The following KATNIP variants were observed in gnomAD, a reference collection of about 807,000 sequenced individuals.
KATNIP encodes the protein katanin-interacting protein.
KATNIP carries 126 observed loss-of-function variants against 174.0 expected under a neutral mutation model. The observed-to-expected ratio is 0.72, with a 90% CI of 0.63 to 0.84. The LOEUF is 0.84. KATNIP is among the 40% of genes least tolerant of loss of function. The probability of loss-of-function intolerance (pLI) is 0.00; values close to 1 mark genes in which losing one functional copy is unlikely to be tolerated. For synonymous variants in KATNIP, 810 were observed against 835.7 expected, an observed-to-expected ratio of 0.97 and a Z score of 0.53; for missense variants, 1,958 against 2,109.7, an observed-to-expected ratio of 0.93 and a Z score of 1.41.
chr16:27,693,100 A>C (rs1441078576), intron 8 of KATNIP, among the ~76,000 whole-genome samples: 1 of 152,130 alleles, frequency 6.6e-6, no homozygotes. Flanking sequence ...GATCTTCCCC[A>C]TCCTTTTACC....
At chr16:27,555,507 T>C (rs1403405999) in intron 1 of KATNIP, among the ~76,000 whole-genome samples, 1 of 152,194 alleles carries the variant, frequency 6.6e-6, no homozygotes, top group African/African-American at 2.4e-5. Flanking sequence ...GTTTTGTGGC[T>C]TCAATGAAAC....
intron 14 of KATNIP, among the ~76,000 whole-genome samples, chr16:27,739,253 G>A (rs534182919): frequency 1.3e-5 from 2 of 152,228 alleles, no homozygotes; most frequent in South Asian, 4.2e-4. Context: ...GAAAGAGAGG[G>A]ATCAAGGGGG....
chr16:27,668,565 G>A (rs751258468), intron 6 of KATNIP, among the ~76,000 whole-genome samples: 8 of 152,190 alleles, frequency 5.3e-5, no homozygotes, highest in Admixed American at 2.6e-4. Context: ...TATCAGCAGC[G>A]TGAAAACGGA....
At chr16:27,728,553 C>T (rs1303572977) in intron 14 of KATNIP, among the ~76,000 whole-genome samples, 3 of 152,204 alleles carry the variant, frequency 2.0e-5, no homozygotes, top group Non-Finnish European at 4.4e-5. Flanking sequence ...GCCTCAACCT[C>T]CTGAGTTGCT....
chr16:27,759,863 G>A (rs2081887666), intron 18 of KATNIP, among the ~76,000 whole-genome samples: 1 of 152,220 alleles, frequency 6.6e-6, no homozygotes, highest in South Asian at 2.1e-4. Context: ...CACGGGATGG[G>A]ACGAGCTTGT....
At chr16:27,693,673 G>A (rs1348552699) in intron 8 of KATNIP, among the ~76,000 whole-genome samples, 1 of 152,162 alleles carries the variant, frequency 6.6e-6, no homozygotes, top group Non-Finnish European at 1.5e-5. Flanking sequence ...ACAGACGTGA[G>A]CCACTGCGCC....
chr16:27,628,977 G>T, intron 4 of KATNIP, 147 bp downstream of exon 4: 1 of 754,716 alleles, frequency 1.3e-6, no homozygotes, highest in Non-Finnish European at 2.1e-6. Context: ...AGACCAGCCT[G>T]GGCAACATGG....
intron 6 of KATNIP, among the ~76,000 whole-genome samples, chr16:27,661,593 A>G (rs1210515871): frequency 6.6e-6 from 1 of 151,266 alleles, no homozygotes; most frequent in Non-Finnish European, 1.5e-5. Flanking sequence ...GGGTTTCACC[A>G]TGTTGGCCAG....
chr16:27,577,807 A>G (rs2090553578), intron 2 of KATNIP, among the ~76,000 whole-genome samples: 1 of 152,128 alleles, frequency 6.6e-6, no homozygotes, highest in Non-Finnish European at 1.5e-5. Context: ...CAGGAGTTCG[A>G]GGCTGCAATA....
intron 15 of KATNIP, among the ~76,000 whole-genome samples, chr16:27,746,454 G>T (rs2081298577): frequency 6.6e-6 from 1 of 152,210 alleles, no homozygotes; most frequent in Non-Finnish European, 1.5e-5. Context: ...AAGTGGGGGA[G>T]GGCAGAGGAC....
chr16:27,682,325 G>C (rs1030453558), intron 8 of KATNIP, among the ~76,000 whole-genome samples: 1 of 152,210 alleles, frequency 6.6e-6, no homozygotes, highest in Non-Finnish European at 1.5e-5. Flanking sequence ...CTTTAAGGTA[G>C]GTTCTGCAAT....
Position 27,751,843 on chromosome 16 carries a change from G to A in KATNIP, c.3471G>A (p.Glu1157=), listed in dbSNP as rs199508852. 6.2e-7 allele frequency: 1 copy of A among 1,614,200 alleles called. No homozygotes were observed. The highest frequency in any genetic ancestry group is 1.1e-5 in the South Asian group (1 of 91,076). ...GCCTGGACAGCCTGCAGGATGAAGA[G>A]GCAATGAGGAGGCCCAGCACGGCCG... is the stretch of plus-strand genomic sequence containing the variant. ...VGSLDSLQDE[E]AMRRPSTADG... The change falls in exon 17 of 28, where the codon GAG becomes GAA. Residue 1157 remains glutamate (E), a synonymous_variant. Transcript: ENST00000261588.
At chr16:27,695,179 A>G (rs1490769768) in intron 8 of KATNIP, among the ~76,000 whole-genome samples, 1 of 152,170 alleles carries the variant, frequency 6.6e-6, no homozygotes, top group Admixed American at 6.5e-5. Flanking sequence ...GACAACTAGT[A>G]GCCCCTGGCC....
At chr16:27,607,277 G>C (rs1481712923) in intron 2 of KATNIP, among the ~76,000 whole-genome samples, 1 of 152,204 alleles carries the variant, frequency 6.6e-6, no homozygotes, top group Non-Finnish European at 1.5e-5. Context: ...AAACAAGGTT[G>C]TCTGCTATCT....
In KATNIP at chr16:27,779,200, AC is replaced by A. The variant is rs2082610977; in HGVS notation, c.*572del. ...GGTAGTTTCCTGGTTACAGGGGTCC[AC>A]AAGACCCTCTCTCATCCCGGTATAG... On this transcript the variant is annotated 3_prime_UTR_variant, in exon 28 of 28. Transcript: ENST00000261588. 6.6e-6 allele frequency: 1 copy of A among 152,540 alleles called. No homozygotes were observed. Among genetic ancestry groups the A allele is most frequent in the African/African-American group, 2.4e-5 (1 of 41,466 alleles). The allele number at this position is 152,540 out of a possible 1,614,324, so 9.4% of individuals were successfully genotyped here.
chr16:27,654,438 G>A (rs191348885), intron 6 of KATNIP, among the ~76,000 whole-genome samples: 9 of 152,310 alleles, frequency 5.9e-5, no homozygotes, highest in Non-Finnish European at 8.8e-5. Context: ...CAATGGTGTT[G>A]ATGTAGCAGG....
chr16:27,550,367 G>C (rs1473794822), intron 1 of KATNIP, among the ~76,000 whole-genome samples, 190 bp downstream of exon 1: 2 of 152,164 alleles, frequency 1.3e-5, no homozygotes, highest in East Asian at 1.9e-4. Context: ...AGTGGTCAGT[G>C]CTGTGACCAT....
At position 27,777,346 on chromosome 16, in the gene KATNIP, C is replaced by T. The variant is rs560337883; in HGVS notation, c.4552-264C>T. Among the ~76,000 whole-genome samples the T allele has an allele frequency of 3.4e-4, 52 of 152,312 alleles. No homozygotes were observed. Among genetic ancestry groups the T allele is most frequent in the African/African-American group, 1.2e-3 (50 of 41,554 alleles). On this transcript the variant is annotated intron_variant, in intron 25 of 27. Coordinates refer to ENST00000261588, the MANE Select transcript of KATNIP (RefSeq NM_015202.5). The surrounding 1 kb of genome is among the most constrained non-coding windows in gnomAD (Gnocchi z 4.4). ...GATACCAGAGACCCAAGTTTGCCTC[C>T]AGCTCTGCCACTTGTGCTAATGGTA...
At chr16:27,622,963 C>G (rs974075519) in intron 3 of KATNIP, among the ~76,000 whole-genome samples, 2 of 152,132 alleles carry the variant, frequency 1.3e-5, no homozygotes, top group Non-Finnish European at 2.9e-5. Flanking sequence ...CCTCCACACT[C>G]ACCTCCTCCA....
Sources: allele counts gnomAD v4.1 joint callset (sites outside exome capture counted in the v4.1 genomes callset), GRCh38; gene constraint gnomAD v4.1.1; non-coding constraint Gnocchi (gnomAD v3.1); transcripts MANE v1.5; gene names NCBI Gene and HGNC (gene_info 2026-07-23, HGNC 2026-07-21).